The following CC2D2B variants were observed in gnomAD, a reference collection of about 807,000 sequenced individuals.
The protein encoded by CC2D2B is coiled-coil and C2 domain containing 2B.
In CC2D2B, 128 loss-of-function variants were observed where a neutral mutation model predicts 161.2. The observed-to-expected ratio is 0.79, with a 90% CI of 0.69 to 0.92. The LOEUF (loss-of-function observed/expected upper bound fraction) is 0.92. Ranked by LOEUF, CC2D2B falls within the 40% of genes least tolerant of loss-of-function variation. The probability of loss-of-function intolerance (pLI) is 0.00; values close to 1 mark genes in which losing one functional copy is unlikely to be tolerated. For missense variants in CC2D2B, 1,173 were observed against 1,375.1 expected, an observed-to-expected ratio of 0.85 and a Z score of 2.32; for synonymous variants, 391 against 449.8, an observed-to-expected ratio of 0.87 and a Z score of 1.65.
At position 95,988,907 on chromosome 10, in the gene CC2D2B, G is replaced by A. The variant is rs12776330; in HGVS notation, c.2379+565G>A. 8.4e-4 allele frequency among the ~76,000 whole-genome samples: 128 copies of A among 152,278 alleles called. 2 individuals are homozygous for A. Among genetic ancestry groups the A allele is most frequent in the Admixed American group, 6.6e-3 (101 of 15,300 alleles). On this transcript the variant is annotated intron_variant, in intron 20 of 34. Transcript: ENST00000646931. Reference sequence around the variant, plus strand: ...AGACTTAGAAGCTTAGTGCAGGGGCGACATCTACAGATCCTTAGTGCCTAG... The same window carrying A: ...AGACTTAGAAGCTTAGTGCAGGGGCAACATCTACAGATCCTTAGTGCCTAG...
Position 96,032,784 on chromosome 10 carries a change from T to C in CC2D2B, c.*776T>C, listed in dbSNP as rs1300739616. 4.3e-6 allele frequency: 2 copies of C among 470,212 alleles called. No individual in the cohort carries two copies. Among genetic ancestry groups the C allele is most frequent in the African/African-American group, 2.0e-5 (1 of 50,076 alleles). The allele number at this position is 470,212 out of a possible 1,614,324, so 29.1% of individuals were successfully genotyped here. A position where few individuals can be genotyped will look rare whatever the true frequency, so the allele number is the denominator to read the frequency against. On this transcript the variant is annotated 3_prime_UTR_variant, in exon 35 of 35. Transcript: ENST00000646931. The stretch of plus-strand genomic sequence containing the variant: ...TTTGGAAGGAACTCCCAGGAAACTC[T>C]AATTTCTCCCAATTCTGTGAGGGAG...
intron 16 of CC2D2B, among the ~76,000 whole-genome samples, chr10:95,972,435 C>T (rs779966235): frequency 1.6e-4 from 24 of 152,148 alleles, no homozygotes; most frequent in Non-Finnish European, 3.2e-4. Flanking sequence ...AATTCTCGTG[C>T]CTCCAGTAGC....
At chr10:95,944,042 G>A (rs1320792585) in intron 9 of CC2D2B, among the ~76,000 whole-genome samples, 2 of 151,958 alleles carry the variant, frequency 1.3e-5, no homozygotes, top group Non-Finnish European at 2.9e-5. Flanking sequence ...TTTTTGTTTT[G>A]TTTTATTGGC....
chr10:95,983,827 G>T lies in CC2D2B; in HGVS notation c.2286+18G>T. The stretch of plus-strand genomic sequence containing the variant: ...TCTTCCAGGTATTTGGTTTCTATTT[G>T]AATATGGCTTATTGTATGATAAAGT... On this transcript the variant is annotated intron_variant, in intron 19 of 34. Transcript: ENST00000646931. The T allele has an allele frequency of 9.3e-7, 1 of 1,079,278 alleles. No homozygotes were observed. Among genetic ancestry groups the T allele is most frequent in the South Asian group, 4.7e-5 (1 of 21,268 alleles). The allele number at this position is 1,079,278 out of a possible 1,614,324, so 66.9% of individuals were successfully genotyped here.
chr10:96,013,793 C>T lies in CC2D2B; in HGVS notation c.3432C>T (p.Leu1144=). The change falls in exon 29 of 35, where the codon CTC becomes CTT. Residue 1144 remains leucine (L), a synonymous_variant. Transcript: ENST00000646931. ...FLHNSNATFD[L]IARFVSLIPF... Reference sequence around the variant, plus strand: ...AAATGTGAATATTATTCTAGGACCTCATTGCTCGATTTGTATCTTTGATTC... The same window carrying T: ...AAATGTGAATATTATTCTAGGACCTTATTGCTCGATTTGTATCTTTGATTC... 1 of 1,595,812 alleles carries T rather than the reference C, an allele frequency of 6.3e-7. No individual in the cohort carries two copies. Among genetic ancestry groups the T allele is most frequent in the Non-Finnish European group, 8.6e-7 (1 of 1,167,510 alleles).
intron 17 of CC2D2B, among the ~76,000 whole-genome samples, chr10:95,980,182 G>A (rs2077460428): frequency 7.1e-6 from 1 of 141,706 alleles, no homozygotes; most frequent in Non-Finnish European, 1.6e-5. Flanking sequence ...GAGGAGGAAG[G>A]AAGGAAGGAA....
chr10:96,025,179 ATATAT>A (rs1437218993), intron 33 of CC2D2B, among the ~76,000 whole-genome samples: 615 of 14,674 alleles, frequency 0.042, 33 homozygotes, highest in African/African-American at 0.07. Context: ...ATATATATAT[ATATAT>A]AAAAAAAAAT....
At chr10:95,921,110 G>T (rs2098526313) in intron 2 of CC2D2B, 1 of 152,292 alleles carries the variant, frequency 6.6e-6, no homozygotes, top group Non-Finnish European at 1.5e-5. Context: ...GTCCTTGTGG[G>T]CTAGACTGCC....
intron 9 of CC2D2B, among the ~76,000 whole-genome samples, 197 bp from the exon 10 acceptor site, chr10:95,949,699 T>G (rs1022442949): frequency 6.6e-6 from 1 of 151,562 alleles, no homozygotes; most frequent in African/African-American, 2.4e-5. Flanking sequence ...ATGATTAAAA[T>G]GCTGTAATAT....
intron 25 of CC2D2B, among the ~76,000 whole-genome samples, chr10:96,006,811 C>T (rs556070541): frequency 6.6e-6 from 1 of 152,260 alleles, no homozygotes; most frequent in Admixed American, 6.5e-5. Flanking sequence ...ATCAGAGTGC[C>T]TGGCCCTGCT....
chr10:95,991,436 G>T lies in CC2D2B; in HGVS notation c.2446G>T (p.Asp816Tyr). ...SKCNLSDIVN[D>Y]YEEIVSTSQL... The stretch of plus-strand genomic sequence containing the variant: ...ATGTAACTTGTCAGATATTGTGAAT[G>T]ATTATGAAGAAATTGTATCTACAAG... The change falls in exon 21 of 35, where the codon GAT becomes TAT. Residue 816 changes from aspartate (D) to tyrosine (Y), a missense_variant. By Grantham distance (160) the Asp-to-Tyr change is radical. This residue lies in a region of CC2D2B where 598 missense variants were observed against 693.2 expected (regional missense o/e 0.86). Coordinates refer to ENST00000646931, the MANE Select transcript of CC2D2B (RefSeq NM_001349008.3). The T allele has an allele frequency of 1.8e-6, 2 of 1,111,906 alleles. No individual in the cohort carries two copies. Among genetic ancestry groups the T allele is most frequent in the South Asian group, 9.2e-5 (2 of 21,634 alleles). The allele number at this position is 1,111,906 out of a possible 1,614,324, so 68.9% of individuals were successfully genotyped here. A position where few individuals can be genotyped will look rare whatever the true frequency, so the allele number is the denominator to read the frequency against.
chr10:96,027,374 A>C lies in CC2D2B; in HGVS notation c.4110A>C (p.Ile1370=), dbSNP rs559747735. 3 of 1,545,944 alleles carry C rather than the reference A, an allele frequency of 1.9e-6. No homozygotes were observed. The African/African-American group carries it at 4.1e-5, about 21-fold the overall frequency. ...AAGGAGATAATGAATTTGAAAGAAT[A>C]CTACAATTTTATTGGGTTTGTATAT... ...SSEGDNEFER[I]LQFYWVTGFP... Residue 1370 remains isoleucine, a synonymous_variant, in exon 34 of 35, where the codon ATA becomes ATC. Transcript: ENST00000646931.
chr10:96,012,161 C>A, intron 26 of CC2D2B, 24 bp from the exon 27 acceptor site: 2 of 643,136 alleles, frequency 3.1e-6, no homozygotes, highest in South Asian at 3.8e-5. Flanking sequence ...ATGCATAATC[C>A]ATTATACTGA....
chr10:95,967,348 A>G (rs938281212), intron 14 of CC2D2B, among the ~76,000 whole-genome samples: 3 of 152,178 alleles, frequency 2.0e-5, no homozygotes, highest in East Asian at 1.9e-4. Flanking sequence ...AAAGAGGAGG[A>G]AGAAGATATT....
chr10:95,949,592 G>T (rs868685785), intron 9 of CC2D2B, among the ~76,000 whole-genome samples: 1 of 133,530 alleles, frequency 7.5e-6, no homozygotes, highest in Non-Finnish European at 1.6e-5. Flanking sequence ...CACCAGCATG[G>T]CACATGTATA....
At chr10:95,978,973 A>C (rs1054829514) in intron 17 of CC2D2B, among the ~76,000 whole-genome samples, 1 of 152,204 alleles carries the variant, frequency 6.6e-6, no homozygotes, top group Admixed American at 6.5e-5. Flanking sequence ...TTTACATCGT[A>C]AGCATACTTC....
At chr10:96,004,043 T>C (rs2141801420) in intron 24 of CC2D2B, 109 bp from the exon 25 acceptor site, 1 of 668,484 alleles carries the variant, frequency 1.5e-6, no homozygotes, top group East Asian at 3.3e-5. Context: ...TTATACTTCA[T>C]AAAAGAAAAC....
At chr10:95,956,769 C>A (rs2076580533) in intron 11 of CC2D2B, among the ~76,000 whole-genome samples, 1 of 152,202 alleles carries the variant, frequency 6.6e-6, no homozygotes, top group South Asian at 2.1e-4. Context: ...AACTTATGCA[C>A]ATCCTCTCAT....
At chr10:95,991,333 A>G in intron 20 of CC2D2B, 37 bp from the exon 21 acceptor site, 1 of 673,308 alleles carries the variant, frequency 1.5e-6, no homozygotes, top group Non-Finnish European at 2.1e-6. Context: ...TAAAATATAA[A>G]CAATACATTT....
Sources: gnomAD v4.1 joint callset for allele counts (sites outside exome capture counted in the v4.1 genomes callset) on GRCh38, gnomAD v4.1.1 for gene constraint, gnomAD v4.1.1 regional missense constraint, MANE v1.5 for transcripts, NCBI Gene and HGNC (gene_info 2026-07-23, HGNC 2026-07-21) for gene names.